OR2AG1: variants seen among roughly 807,000 people sequenced by gnomAD.
The protein encoded by OR2AG1 is olfactory receptor 2AG1.
For missense variants in OR2AG1, 391 were observed against 385.9 expected (o/e 1.01, Z -0.11); for synonymous variants, 157 against 155.6 (o/e 1.01, Z -0.07).
Position 6,788,984 on chromosome 11 carries a change from C to T in OR2AG1, c.*2996C>T, listed in dbSNP as rs1589997250. The T allele has an allele frequency of 6.6e-6, 1 of 150,770 alleles. No individual in the cohort carries two copies. The highest frequency in any genetic ancestry group is 1.5e-5 in the Non-Finnish European group (1 of 67,680). The allele number at this position is 150,770 out of a possible 1,614,324, so 9.3% of individuals were successfully genotyped here. On this transcript the variant is annotated 3_prime_UTR_variant, in exon 2 of 2. Transcript: ENST00000641258. ...GAAGTCTTTGCATGACTCCAATCCC[C>T]CTCAGTAACTGTAGCATTATTTTCA...
chr11:6,784,960 T>C, intron 1 of OR2AG1, 58 bp from the exon 2 acceptor site: 4 of 873,374 alleles, frequency 4.6e-6, no homozygotes, highest in South Asian at 1.8e-5. Flanking sequence ...AAGCCTCTGA[T>C]ATTTCAAAAC....
At position 6,785,132 on chromosome 11, in the gene OR2AG1, C is replaced by T. The variant is rs1847609866; in HGVS notation, c.95C>T (p.Thr32Ile). The change falls in exon 2 of 2, where the codon ACA (threonine) becomes ATA (isoleucine). Residue 32 changes from threonine to isoleucine, a missense_variant. By Grantham distance (89) the Thr-to-Ile change is moderately conservative. Coordinates refer to ENST00000641258, the MANE Select transcript of OR2AG1 (RefSeq NM_001004489.3). ...CCTGAACTGCTCTGTGCTACAATTA[C>T]AATCCTATACTTGTTGGCCCTGATC... ...GSPELLCATI[T>I]ILYLLALISN... The T allele has an allele frequency of 6.2e-7, 1 of 1,614,064 alleles. No individual in the cohort carries two copies. The highest frequency in any genetic ancestry group is 8.5e-7 in the Non-Finnish European group (1 of 1,179,896).
chr11:6,789,002 T>C lies in OR2AG1; in HGVS notation c.*3014T>C, dbSNP rs1406017162. The C allele has an allele frequency of 6.6e-6, 1 of 150,432 alleles. No homozygotes were observed. Among genetic ancestry groups the C allele is most frequent in the Non-Finnish European group, 1.5e-5 (1 of 67,888 alleles). The allele number at this position is 150,432 out of a possible 1,614,324, so 9.3% of individuals were successfully genotyped here. ...CAATCCCCCTCAGTAACTGTAGCAT[T>C]ATTTTCAGCTTCTCTTCACAGGAAA... On this transcript the variant is annotated 3_prime_UTR_variant, in exon 2 of 2. Coordinates refer to ENST00000641258, the MANE Select transcript of OR2AG1 (RefSeq NM_001004489.3).
rs183362075 is a variant in OR2AG1 at position 6,785,518 on chromosome 11, G to A, written c.481G>A (p.Val161Met). ...ATCCCTAAGTGCCCTAATATATACC[G>A]TGTATACCATGCACTATCCCTTCTG... ...LASLSALIYT[V>M]YTMHYPFCRA... Residue 161 changes from valine to methionine, a missense_variant, in exon 2 of 2, where the codon GTG (valine) becomes ATG (methionine). Physicochemically the swap from Val to Met is conservative, Grantham distance 21. Transcript: ENST00000641258. The A allele has an allele frequency of 1.4e-4, 228 of 1,614,014 alleles. No individual in the cohort carries two copies. The highest frequency in any genetic ancestry group is 4.9e-4 in the Middle Eastern group (3 of 6,062).
In OR2AG1 at chr11:6,786,706, C is replaced by G. The variant is rs889700919; in HGVS notation, c.*718C>G. 2.6e-5 allele frequency: 4 copies of G among 152,148 alleles called. No homozygotes were observed. The highest frequency in any genetic ancestry group is 9.7e-5 in the African/African-American group (4 of 41,442). 9.4% of individuals were successfully genotyped at this position (152,148 alleles called of 1,614,324 possible). On this transcript the variant is annotated 3_prime_UTR_variant, in exon 2 of 2. Transcript: ENST00000641258. Reference sequence around the variant, plus strand: ...TATTTCTTGCTAATACAAAAACAAACAAGCAAAATAGTGATTTTCCATTAT... The same window carrying G: ...TATTTCTTGCTAATACAAAAACAAAGAAGCAAAATAGTGATTTTCCATTAT...
rs1002113998 is a variant in OR2AG1, at chr11:6,787,373, C to T, written c.*1385C>T. Reference sequence around the variant, plus strand: ...CTATAACTTTTAGCATATTACTTAACCTGTTTGTGCCCAAGTCTGCAAGTT... The same window carrying T: ...CTATAACTTTTAGCATATTACTTAATCTGTTTGTGCCCAAGTCTGCAAGTT... On this transcript the variant is annotated 3_prime_UTR_variant, in exon 2 of 2. Transcript: ENST00000641258. 1 of 152,190 alleles carries T rather than the reference C, an allele frequency of 6.6e-6. No homozygotes were observed. Among genetic ancestry groups the T allele is most frequent in the South Asian group, 2.1e-4 (1 of 4,820 alleles). The allele number at this position is 152,190 out of a possible 1,614,324, so 9.4% of individuals were successfully genotyped here. A position where few individuals can be genotyped will look rare whatever the true frequency, so the allele number is the denominator to read the frequency against.
Position 6,786,005 on chromosome 11 carries a change from G to C in OR2AG1, c.*17G>C. 1.3e-6 allele frequency: 2 copies of C among 1,578,688 alleles called. No homozygotes were observed. Among genetic ancestry groups the C allele is most frequent in the Non-Finnish European group, 1.7e-6 (2 of 1,160,860 alleles). On this transcript the variant is annotated 3_prime_UTR_variant, in exon 2 of 2. Coordinates refer to ENST00000641258, the MANE Select transcript of OR2AG1 (RefSeq NM_001004489.3). ...ACGCTCTAGGGAAGGATCATGGCTAGCTTCCAGAATTCCTTCTCCTGAGAG... is the reference window on the plus strand; with the variant it reads ...ACGCTCTAGGGAAGGATCATGGCTACCTTCCAGAATTCCTTCTCCTGAGAG...
In OR2AG1 at chr11:6,789,969, C is replaced by A. The variant is rs1190288187; in HGVS notation, c.*3981C>A. 2 of 152,144 alleles carry A rather than the reference C, an allele frequency of 1.3e-5. No individual in the cohort carries two copies. Among genetic ancestry groups the A allele is most frequent in the Admixed American group, 1.3e-4 (2 of 15,286 alleles). The allele number at this position is 152,144 out of a possible 1,614,324, so 9.4% of individuals were successfully genotyped here. ...ACTCCATGTTTATTGCAGCATGATT[C>A]ACAATAGACAAAATATTGGAAACAA... On this transcript the variant is annotated 3_prime_UTR_variant, in exon 2 of 2. Transcript: ENST00000641258.
At position 6,790,206 on chromosome 11, in the gene OR2AG1, C is replaced by T. The variant is rs1184122338; in HGVS notation, c.*4218C>T. On this transcript the variant is annotated 3_prime_UTR_variant, in exon 2 of 2. Coordinates refer to ENST00000641258, the MANE Select transcript of OR2AG1 (RefSeq NM_001004489.3). ...GCGGAAGCTAGAAAAGAGTCTAACT[C>T]AGTAATAGAGAGTACAGTGGTGTTT... is the stretch of plus-strand genomic sequence containing the variant. 1.3e-5 allele frequency: 2 copies of T among 152,166 alleles called. No homozygotes were observed. Among genetic ancestry groups the T allele is most frequent in the East Asian group, 3.8e-4 (2 of 5,198 alleles). 9.4% of individuals were successfully genotyped at this position (152,166 alleles called of 1,614,324 possible).
rs1431155256 is a variant in OR2AG1 at position 6,787,465 on chromosome 11, GTAAATA to G, written c.*1488_*1493del. 3.9e-5 allele frequency: 6 copies of G among 152,208 alleles called. No homozygotes were observed. The highest frequency in any genetic ancestry group is 2.1e-4 in the South Asian group (1 of 4,826). 9.4% of individuals were successfully genotyped at this position (152,208 alleles called of 1,614,324 possible). ...AGTGTTGTGAGGATGAAACAAGTTA[GTAAATA>G]TAAATATAAAGACATCTTTATACTT... On this transcript the variant is annotated 3_prime_UTR_variant, in exon 2 of 2. Coordinates refer to ENST00000641258, the MANE Select transcript of OR2AG1 (RefSeq NM_001004489.3).
rs1455150219 is a variant in OR2AG1, at chr11:6,788,483, T to G, written c.*2495T>G. ...TTTGGCTAACTCTTCAGTTCTAGCT[T>G]CTTTCTCCTCTTTACTCTTTTGGAA... On this transcript the variant is annotated 3_prime_UTR_variant, in exon 2 of 2. Coordinates refer to ENST00000641258, the MANE Select transcript of OR2AG1 (RefSeq NM_001004489.3). 6.6e-6 allele frequency: 1 copy of G among 152,188 alleles called. No individual in the cohort carries two copies. The highest frequency in any genetic ancestry group is 2.4e-5 in the African/African-American group (1 of 41,446). The allele number at this position is 152,188 out of a possible 1,614,324, so 9.4% of individuals were successfully genotyped here. A position where few individuals can be genotyped will look rare whatever the true frequency, so the allele number is the denominator to read the frequency against.
chr11:6,783,284 A>G lies in OR2AG1; in HGVS notation c.-208A>G, dbSNP rs896236560. The G allele has an allele frequency of 6.6e-6, 1 of 152,280 alleles. No individual in the cohort carries two copies. The highest frequency in any genetic ancestry group is 2.4e-5 in the African/African-American group (1 of 41,460). 9.4% of individuals were successfully genotyped at this position (152,280 alleles called of 1,614,324 possible). A position where few individuals can be genotyped will look rare whatever the true frequency, so the allele number is the denominator to read the frequency against. Reference sequence around the variant, plus strand: ...CCTGCAGATAAGTGGAAGGAATAGAAGGGCCCTGACATCTGATCTCACTAG... The same window carrying G: ...CCTGCAGATAAGTGGAAGGAATAGAGGGGCCCTGACATCTGATCTCACTAG... On this transcript the variant is annotated 5_prime_UTR_variant, in exon 1 of 2. Coordinates refer to ENST00000641258, the MANE Select transcript of OR2AG1 (RefSeq NM_001004489.3).
At position 6,785,824 on chromosome 11, in the gene OR2AG1, A is replaced by C. The variant is rs1343056839; in HGVS notation, c.787A>C (p.Ser263Arg). The C allele has an allele frequency of 6.2e-7, 1 of 1,614,048 alleles. No homozygotes were observed. Among genetic ancestry groups the C allele is most frequent in the East Asian group, 2.2e-5 (1 of 44,900 alleles). Residue 263 changes from serine (S) to arginine (R), a missense_variant, in exon 2 of 2, where the codon AGT becomes CGT. By Grantham distance (110) the Ser-to-Arg change is moderately radical. Coordinates refer to ENST00000641258, the MANE Select transcript of OR2AG1 (RefSeq NM_001004489.3). ...TGCCACATTCATGTATGTCTTGCCC[A>C]GTTCCTTCCACAGCACCAGACAAGA... ...GAATFMYVLP[S>R]SFHSTRQDNI...
Position 6,786,083 on chromosome 11 carries a change from A to T in OR2AG1, c.*95A>T. 2.2e-6 allele frequency: 2 copies of T among 921,658 alleles called. No individual in the cohort carries two copies. The highest frequency in any genetic ancestry group is 3.3e-6 in the Non-Finnish European group (2 of 607,316). The allele number at this position is 921,658 out of a possible 1,614,324, so 57.1% of individuals were successfully genotyped here. On this transcript the variant is annotated 3_prime_UTR_variant, in exon 2 of 2. Transcript: ENST00000641258. ...ACTAATGGTAAAACCAATACAGTGC[A>T]GAGTATAGCATTTAATAGAAAAGTG...
At position 6,790,238 on chromosome 11, in the gene OR2AG1, G is replaced by C. The variant is rs959198964; in HGVS notation, c.*4250G>C. ...AGAGAGTACAGTGGTGTTTGCCAAG[G>C]GTTTGGGGTGACTGTGGGAGGAAAT... On this transcript the variant is annotated 3_prime_UTR_variant, in exon 2 of 2. Coordinates refer to ENST00000641258, the MANE Select transcript of OR2AG1 (RefSeq NM_001004489.3). 2.6e-5 allele frequency: 4 copies of C among 152,170 alleles called. No individual in the cohort carries two copies. The highest frequency in any genetic ancestry group is 9.7e-5 in the African/African-American group (4 of 41,434). The allele number at this position is 152,170 out of a possible 1,614,324, so 9.4% of individuals were successfully genotyped here.
At position 6,785,163 on chromosome 11, in the gene OR2AG1, T is replaced by C; in HGVS notation, c.126T>C (p.Asn42=). The change falls in exon 2 of 2, where the codon AAT becomes AAC. Residue 42 remains asparagine (N), a synonymous_variant. Coordinates refer to ENST00000641258, the MANE Select transcript of OR2AG1 (RefSeq NM_001004489.3). ...TILYLLALIS[N]GLLLLAITME... The stretch of plus-strand genomic sequence containing the variant: ...TATACTTGTTGGCCCTGATCAGCAA[T>C]GGCCTACTGCTCCTGGCTATCACCA... The C allele has an allele frequency of 6.2e-7, 1 of 1,614,144 alleles. No individual in the cohort carries two copies. The highest frequency in any genetic ancestry group is 8.5e-7 in the Non-Finnish European group (1 of 1,179,968).
In OR2AG1 at chr11:6,786,619, A is replaced by T. The variant is rs956663705; in HGVS notation, c.*631A>T. On this transcript the variant is annotated 3_prime_UTR_variant, in exon 2 of 2. Transcript: ENST00000641258. ...AGTTCCTAAAATGCAATTATTAATA[A>T]AATGAAGAAAATAGGAGGTGAAGGT... The T allele has an allele frequency of 4.6e-5, 7 of 152,350 alleles. No individual in the cohort carries two copies. In the East Asian group the frequency reaches 9.6e-4, roughly 21 times the overall value. 9.4% of individuals were successfully genotyped at this position (152,350 alleles called of 1,614,324 possible).
chr11:6,786,184 C>T lies in OR2AG1; in HGVS notation c.*196C>T, dbSNP rs1554921137. On this transcript the variant is annotated 3_prime_UTR_variant, in exon 2 of 2. Coordinates refer to ENST00000641258, the MANE Select transcript of OR2AG1 (RefSeq NM_001004489.3). The stretch of plus-strand genomic sequence containing the variant: ...AGTAATTTATAGGGCATGATTTACA[C>T]TATCTAAAATTACTCTTCACTCTAT... 1 of 522,188 alleles carries T rather than the reference C, an allele frequency of 1.9e-6. No individual in the cohort carries two copies. The highest frequency in any genetic ancestry group is 3.6e-5 in the South Asian group (1 of 27,654). 32.3% of individuals were successfully genotyped at this position (522,188 alleles called of 1,614,324 possible). A position where few individuals can be genotyped will look rare whatever the true frequency, so the allele number is the denominator to read the frequency against.
In OR2AG1 at chr11:6,785,374, C is replaced by A. The variant is rs1847613294; in HGVS notation, c.337C>A (p.Leu113Ile). 5 of 1,614,178 alleles carry A rather than the reference C, an allele frequency of 3.1e-6. No individual in the cohort carries two copies. Among genetic ancestry groups the A allele is most frequent in the Non-Finnish European group, 4.2e-6 (5 of 1,180,022 alleles). The change falls in exon 2 of 2, where the codon CTC becomes ATC. Residue 113 changes from leucine to isoleucine, a missense_variant. Coordinates refer to ENST00000641258, the MANE Select transcript of OR2AG1 (RefSeq NM_001004489.3). ...ACTGACAATGGGTGGTGCTGAGGAC[C>A]TCCTACTGGCCTTCATGGCCTATGA... ...LALTMGGAED[L>I]LLAFMAYDRY...
Sources: allele counts gnomAD v4.1 joint callset, GRCh38; gene constraint gnomAD v4.1.1; transcripts MANE v1.5; gene names NCBI Gene and HGNC (gene_info 2026-07-23, HGNC 2026-07-21).